NPSR1: variants seen among roughly 807,000 people sequenced by gnomAD.
NPSR1 encodes the protein neuropeptide S receptor 1.
NPSR1 carries 48 observed loss-of-function variants against 46.9 expected under a neutral mutation model. The observed-to-expected ratio is 1.02, with a 90% CI of 0.81 to 1.30. The LOEUF is 1.30. Among genes scored for constraint, NPSR1 ranks in the 50% most tolerant of loss-of-function variants. The pLI is 0.00. For missense variants in NPSR1, 450 were observed against 449.5 expected (o/e 1.00, Z -0.01); for synonymous variants, 176 against 168.1 (o/e 1.05, Z -0.36).
intron 2 of NPSR1, among the ~76,000 whole-genome samples, chr7:34,696,135 A>G (rs1244980084): frequency 3.3e-5 from 5 of 151,872 alleles, no homozygotes; most frequent in Admixed American, 3.3e-4. Context: ...CTATGCAGCT[A>G]TAAAAAAGAA....
At chr7:34,764,405 T>A (rs1281632319) in intron 2 of NPSR1, among the ~76,000 whole-genome samples, 2 of 152,184 alleles carry the variant, frequency 1.3e-5, no homozygotes, top group Non-Finnish European at 2.9e-5. Context: ...ACAGGCCAAA[T>A]CCATCCTGCA....
intron 8 of NPSR1, among the ~76,000 whole-genome samples, chr7:34,877,167 G>A (rs1005227546): frequency 6.6e-6 from 1 of 152,168 alleles, no homozygotes; most frequent in Non-Finnish European, 1.5e-5. Context: ...AGCATGGACA[G>A]TGTAGCCACT....
intron 2 of NPSR1, among the ~76,000 whole-genome samples, chr7:34,707,926 C>G (rs1014725352): frequency 5.3e-5 from 8 of 152,198 alleles, no homozygotes; most frequent in African/African-American, 1.9e-4. Flanking sequence ...TGAGGCCTTT[C>G]TCATTGGATT....
At chr7:34,748,082 G>C (rs566299329) in intron 2 of NPSR1, among the ~76,000 whole-genome samples, 98 of 152,252 alleles carry the variant, frequency 6.4e-4, no homozygotes, top group Non-Finnish European at 1.3e-3. Flanking sequence ...CTCTAATTCA[G>C]AGAAAAAGGA....
At chr7:34,686,130 C>A (rs962407135) in intron 2 of NPSR1, 4 of 152,766 alleles carry the variant, frequency 2.6e-5, no homozygotes, top group Non-Finnish European at 5.8e-5. Context: ...TTTTCATAAA[C>A]AATAAACAAA....
chr7:34,818,151 T>C lies in NPSR1; in HGVS notation c.478+6288T>C, dbSNP rs557954811. On this transcript the variant is annotated intron_variant, in intron 4 of 8. Coordinates refer to ENST00000360581, the MANE Select transcript of NPSR1 (RefSeq NM_207172.2). The stretch of plus-strand genomic sequence containing the variant: ...TTGTCCCTATTTGTAGACCACATGA[T>C]TGTATATTTAGAAAACCCCATTGTC... 1.5e-3 allele frequency among the ~76,000 whole-genome samples: 221 copies of C among 150,820 alleles called. 3 individuals are homozygous for C. The highest frequency in any genetic ancestry group is 5.0e-3 in the African/African-American group (208 of 41,428).
chr7:34,742,535 AT>A (rs892104939), intron 2 of NPSR1, among the ~76,000 whole-genome samples: 2 of 152,204 alleles, frequency 1.3e-5, no homozygotes, highest in African/African-American at 4.8e-5. Flanking sequence ...CCCATGATGT[AT>A]ATGTACTACA....
chr7:34,878,143 G>A (rs746170243), exon 9 of NPSR1: 1 of 1,609,530 alleles, frequency 6.2e-7, no homozygotes, highest in African/African-American at 1.3e-5. Context: ...GAACTGGAAG[G>A]GTACTTGGCC....
chr7:34,859,902 T>C (rs1188607894), intron 8 of NPSR1, among the ~76,000 whole-genome samples: 1 of 151,710 alleles, frequency 6.6e-6, no homozygotes, highest in Non-Finnish European at 1.5e-5. Flanking sequence ...AAGTTCCTCA[T>C]GGCCAGGAAC....
At chr7:34,689,152 G>A (rs546945315) in intron 2 of NPSR1, among the ~76,000 whole-genome samples, 1 of 152,204 alleles carries the variant, frequency 6.6e-6, no homozygotes, top group East Asian at 1.9e-4. Flanking sequence ...TAAGCAGGGA[G>A]CTCAGACCAC....
At chr7:34,684,222 T>C (rs770474082) in intron 1 of NPSR1, among the ~76,000 whole-genome samples, 2 of 152,238 alleles carry the variant, frequency 1.3e-5, no homozygotes, top group Non-Finnish European at 2.9e-5. Flanking sequence ...ATTTCTAATT[T>C]CTTTTTATAA....
intron 3 of NPSR1, among the ~76,000 whole-genome samples, chr7:34,780,395 A>G (rs1258952494): frequency 6.6e-6 from 1 of 152,192 alleles, no homozygotes. Flanking sequence ...AACTGTATCT[A>G]CAATAAATGT....
At chr7:34,806,261 G>T (rs1249719472) in intron 3 of NPSR1, among the ~76,000 whole-genome samples, 9 of 152,174 alleles carry the variant, frequency 5.9e-5, no homozygotes, top group Non-Finnish European at 1.2e-4. Flanking sequence ...AAAACTGGAA[G>T]CAAACAAGAG....
At chr7:34,838,806 T>C (rs1790468986) in intron 6 of NPSR1, among the ~76,000 whole-genome samples, 1 of 152,242 alleles carries the variant, frequency 6.6e-6, no homozygotes, top group African/African-American at 2.4e-5. Flanking sequence ...TCCAATCCTG[T>C]ATGTTATCTT....
chr7:34,755,480 G>C (rs951936457), intron 2 of NPSR1, among the ~76,000 whole-genome samples: 2 of 152,126 alleles, frequency 1.3e-5, no homozygotes, highest in Non-Finnish European at 2.9e-5. Flanking sequence ...ACATTGCTGC[G>C]TATAGTTGCA....
chr7:34,692,935 T>C (rs889255176), intron 2 of NPSR1, among the ~76,000 whole-genome samples: 12 of 152,190 alleles, frequency 7.9e-5, no homozygotes, highest in African/African-American at 1.2e-4. Flanking sequence ...TCCCCCCGTG[T>C]TGGAGGTAGG....
chr7:34,774,200 C>T (rs1462311550), intron 2 of NPSR1, among the ~76,000 whole-genome samples: 1 of 152,184 alleles, frequency 6.6e-6, no homozygotes, highest in Non-Finnish European at 1.5e-5. Context: ...TCTATTTTTG[C>T]TTTACAGCTA....
At chr7:34,671,715 T>G (rs988933775) in intron 1 of NPSR1, among the ~76,000 whole-genome samples, 1 of 152,202 alleles carries the variant, frequency 6.6e-6, no homozygotes, top group Non-Finnish European at 1.5e-5. Context: ...GGAATCCTTC[T>G]GCTGAGCCTC....
Position 34,807,082 on chromosome 7 carries a change from T to A in NPSR1, c.385-4688T>A, listed in dbSNP as rs1584065647. Among the ~76,000 whole-genome samples, 6 of 152,210 alleles carry A rather than the reference T, an allele frequency of 3.9e-5. No homozygotes were observed. In the South Asian group the frequency reaches 1.2e-3, roughly 32 times the overall value. On this transcript the variant is annotated intron_variant, in intron 3 of 8. Transcript: ENST00000360581. ...GTAGAGTTTTCATTGTTGACATTTATGAATTGACTATAATTGTACTTTGAT... is the reference window on the plus strand; with the variant it reads ...GTAGAGTTTTCATTGTTGACATTTAAGAATTGACTATAATTGTACTTTGAT...
Sources: gnomAD v4.1 joint callset for allele counts (sites outside exome capture counted in the v4.1 genomes callset) on GRCh38, gnomAD v4.1.1 for gene constraint, MANE v1.5 for transcripts, NCBI Gene and HGNC (gene_info 2026-07-23, HGNC 2026-07-21) for gene names.